The following SIPA1L2 variants were observed in gnomAD, a reference collection of about 807,000 sequenced individuals.
SIPA1L2 encodes the protein signal-induced proliferation-associated 1-like protein 2.
Under a neutral mutation model 163.9 loss-of-function variants are expected in SIPA1L2, and 56 were observed. That is an observed-to-expected ratio of 0.34 (90% CI 0.28 to 0.43). The LOEUF (loss-of-function observed/expected upper bound fraction) is 0.43, where lower values mean the gene tolerates loss of function less well. Among genes scored for constraint, SIPA1L2 ranks in the 20% least tolerant of loss-of-function variants. The pLI is 1.00. For synonymous variants in SIPA1L2, 877 were observed against 865.7 expected, an observed-to-expected ratio of 1.01 and a Z score of -0.23; for missense variants, 1,974 against 2,193.5, an observed-to-expected ratio of 0.90 and a Z score of 2.00.
At chr1:232,528,078 TTATATATATATA>T (rs67185229) in intron 2 of SIPA1L2, among the ~76,000 whole-genome samples, 4 of 96,118 alleles carry the variant, frequency 4.2e-5, no homozygotes, top group East Asian at 2.6e-4. Flanking sequence ...TAAGCAAGTT[TTATATATATATA>T]TATATATATA....
intron 3 of SIPA1L2, among the ~76,000 whole-genome samples, chr1:232,510,916 C>G (rs1388635328): frequency 2.0e-5 from 3 of 152,094 alleles, no homozygotes; most frequent in African/African-American, 7.2e-5. Context: ...AAGTCTGAAT[C>G]ACAAACTATT....
At chr1:232,413,777 G>A (rs1661088951) in intron 19 of SIPA1L2, among the ~76,000 whole-genome samples, 1 of 152,190 alleles carries the variant, frequency 6.6e-6, no homozygotes, top group African/African-American at 2.4e-5. Context: ...AGAATTCAGT[G>A]CGTTCAGTAC....
At chr1:232,523,675 T>C (rs1298675810) in intron 2 of SIPA1L2, among the ~76,000 whole-genome samples, 1 of 152,112 alleles carries the variant, frequency 6.6e-6, no homozygotes, top group Non-Finnish European at 1.5e-5. Context: ...TTAAAAAAAA[T>C]ACAATCCTTC....
chr1:232,572,694 CATATATAT>C (rs61685621), intron 2 of SIPA1L2, among the ~76,000 whole-genome samples: 3,119 of 101,134 alleles, frequency 0.031, 159 homozygotes, highest in African/African-American at 0.089. Context: ...CATATACATA[CATATATAT>C]ATATATATAT....
At chr1:232,519,649 G>A (rs148346760) in intron 2 of SIPA1L2, among the ~76,000 whole-genome samples, 1 of 152,170 alleles carries the variant, frequency 6.6e-6, no homozygotes, top group Non-Finnish European at 1.5e-5. Flanking sequence ...CCAGTTATGA[G>A]AGTTTCAGAC....
chr1:232,469,089 C>T (rs7527355), intron 8 of SIPA1L2, among the ~76,000 whole-genome samples: 2,566 of 152,206 alleles, frequency 0.017, 84 homozygotes, highest in African/African-American at 0.059. Context: ...ACAGGCTGCA[C>T]GATTTTCATT....
rs1278312660 is a variant in SIPA1L2, at chr1:232,514,043, A to C, written c.1297T>G (p.Ser433Ala). ...GAGCAGCTTTCCCCAGAACTGAAAGAGGATGAGTTGGCTCGAGAGAGCGCA... is the reference window on the plus strand; with the variant it reads ...GAGCAGCTTTCCCCAGAACTGAAAGCGGATGAGTTGGCTCGAGAGAGCGCA... ...RIALSRANSSSFSSGESCSFE... is the reference protein window; with the variant it reads ...RIALSRANSSAFSSGESCSFE... Residue 433 changes from serine (S) to alanine (A), a missense_variant, in exon 3 of 23, where the codon TCT becomes GCT. Transcript: ENST00000674635. 6.2e-7 allele frequency: 1 copy of C among 1,614,240 alleles called. No individual in the cohort carries two copies. Among genetic ancestry groups the C allele is most frequent in the Non-Finnish European group, 8.5e-7 (1 of 1,180,042 alleles).
rs115840747 is a variant in SIPA1L2, at chr1:232,578,106, C to T, written c.-318-3884G>A. Among the ~76,000 whole-genome samples, 278 of 152,256 alleles carry T rather than the reference C, an allele frequency of 1.8e-3. 3 individuals carry two copies. The highest frequency in any genetic ancestry group is 6.5e-3 in the African/African-American group (268 of 41,540). On this transcript the variant is annotated intron_variant, in intron 1 of 22. Coordinates refer to ENST00000674635, the MANE Select transcript of SIPA1L2 (RefSeq NM_020808.5). ...CAACACTGAGGCAAGATTCTCCACC[C>T]GCAAAAAGACTGACTTGCTGAAGGC...
chr1:232,605,896 A>G (rs1661892397), intron 1 of SIPA1L2, among the ~76,000 whole-genome samples: 1 of 152,190 alleles, frequency 6.6e-6, no homozygotes, highest in Non-Finnish European at 1.5e-5. Flanking sequence ...CCTGTGCCAC[A>G]GTCAGACACA....
chr1:232,459,257 A>T (rs1355763279), intron 10 of SIPA1L2, among the ~76,000 whole-genome samples: 1 of 152,224 alleles, frequency 6.6e-6, no homozygotes, highest in Non-Finnish European at 1.5e-5. Context: ...TTCGTTTCCT[A>T]AGTTGCACTA....
intron 4 of SIPA1L2, among the ~76,000 whole-genome samples, chr1:232,491,784 G>A (rs1558219412): frequency 6.6e-6 from 1 of 152,116 alleles, no homozygotes; most frequent in Non-Finnish European, 1.5e-5. Flanking sequence ...ACTAACACCA[G>A]GAGCTGGGGT....
At position 232,439,331 on chromosome 1, in the gene SIPA1L2, C is replaced by T. The variant is rs1662751811; in HGVS notation, c.3808G>A (p.Ala1270Thr). 1.2e-6 allele frequency: 2 copies of T among 1,614,174 alleles called. No individual in the cohort carries two copies. The highest frequency in any genetic ancestry group is 1.7e-6 in the Non-Finnish European group (2 of 1,180,036). The part of the protein sequence containing the change: ...GASTDSGIDT[A>T]PCMPATILGP... ...AGGATGGTGGCAGGCATGCAGGGGG[C>T]CGTGTCGATGCCACTGTCGGTGGAG... The change falls in exon 15 of 23, where the codon GCC (alanine) becomes ACC (threonine). Residue 1270 changes from alanine (A) to threonine (T), a missense_variant. Transcript: ENST00000674635.
chr1:232,533,844 GT>G (rs1330389320), intron 2 of SIPA1L2, among the ~76,000 whole-genome samples: 1 of 152,164 alleles, frequency 6.6e-6, no homozygotes, highest in Non-Finnish European at 1.5e-5. Context: ...TAGCAAGTCT[GT>G]CTGGCTACCT....
chr1:232,454,840 T>A (rs1208257134), intron 10 of SIPA1L2, among the ~76,000 whole-genome samples: 1 of 152,228 alleles, frequency 6.6e-6, no homozygotes, highest in Admixed American at 6.5e-5. Context: ...TAGTAAGTTG[T>A]TGCTGTAGTT....
At chr1:232,494,480 G>A (rs1452654790) in intron 3 of SIPA1L2, among the ~76,000 whole-genome samples, 2 of 152,154 alleles carry the variant, frequency 1.3e-5, no homozygotes, top group African/African-American at 4.8e-5. Flanking sequence ...TCAGCCATGG[G>A]AACATGGGGA....
At chr1:232,500,849 G>A (rs1233721822) in intron 3 of SIPA1L2, among the ~76,000 whole-genome samples, 6 of 152,074 alleles carry the variant, frequency 3.9e-5, no homozygotes, top group African/African-American at 9.6e-5. Context: ...CGTATGTTAC[G>A]GAAAAATCTT....
At chr1:232,432,873 C>T (rs142931186) in intron 15 of SIPA1L2, among the ~76,000 whole-genome samples, 2 of 152,280 alleles carry the variant, frequency 1.3e-5, no homozygotes, top group Admixed American at 6.5e-5. Context: ...ACATACTCAC[C>T]AGACAGGCAA....
chr1:232,490,811 T>C lies in SIPA1L2; in HGVS notation c.1806+63A>G, dbSNP rs967894245. ...TTACAAGAAAGATGGATGGGAAAAC[T>C]CCAAAACTTTCAGAAACAGACACAA... On this transcript the variant is annotated intron_variant, in intron 5 of 22. Transcript: ENST00000674635. 2.3e-4 allele frequency: 345 copies of C among 1,505,578 alleles called. 1 individual carries two copies. In the Middle Eastern group the frequency reaches 2.4e-3, roughly 10 times the overall value. 93.3% of individuals were successfully genotyped at this position (1,505,578 alleles called of 1,614,324 possible).
chr1:232,432,469 C>T lies in SIPA1L2; in HGVS notation c.4034G>A (p.Gly1345Asp), dbSNP rs1662302948. 3 of 1,613,798 alleles carry T rather than the reference C, an allele frequency of 1.9e-6. No homozygotes were observed. Among genetic ancestry groups the T allele is most frequent in the Non-Finnish European group, 2.5e-6 (3 of 1,179,664 alleles). ...TGAAGGGCTTCCTGAATGGTGAGAA[C>T]CACTGAGGAGAAAAACAGACAAAAG... is the stretch of plus-strand genomic sequence containing the variant. ...DLSEISSHSS[G>D]SHHSGSPSAH... is the part of the protein sequence containing the mutation. The change falls in exon 16 of 23, where the codon GGT becomes GAT. Residue 1345 changes from glycine to aspartate, a missense_variant and splice_region_variant. Physicochemically the swap from Gly to Asp is moderately conservative, Grantham distance 94 (BLOSUM62 -1). This residue lies in a region of SIPA1L2 where 1,079 missense variants were observed against 1,150.7 expected (regional missense o/e 0.94). Transcript: ENST00000674635.
Sources: gnomAD v4.1 joint callset for allele counts (sites outside exome capture counted in the v4.1 genomes callset) on GRCh38, gnomAD v4.1.1 for gene constraint, gnomAD v4.1.1 regional missense constraint, MANE v1.5 for transcripts, NCBI Gene and HGNC (gene_info 2026-07-23, HGNC 2026-07-21) for gene names.